CR2: variants seen among roughly 807,000 people sequenced by gnomAD.
CR2 encodes the protein complement C3d receptor 2.
Under a neutral mutation model 123.0 loss-of-function variants are expected in CR2, and 96 were observed. That is an observed-to-expected ratio of 0.78 (90% CI 0.66 to 0.93). The LOEUF is 0.93. Among genes scored for constraint, CR2 ranks in the 40% least tolerant of loss-of-function variants. CR2 has a pLI of 0.00. For synonymous variants in CR2, 484 were observed against 469.5 expected (o/e 1.03, Z -0.40); for missense variants, 1,258 against 1,361.0 (o/e 0.92, Z 1.19).
rs192416166 is a variant in CR2 at position 207,472,334 on chromosome 1, T to C, written c.1571-438T>C. Among the ~76,000 whole-genome samples, 5 of 152,324 alleles carry C rather than the reference T, an allele frequency of 3.3e-5. No individual in the cohort carries two copies. The East Asian group carries it at 9.6e-4, about 29-fold the overall frequency. ...CAAATTAAATTGTACTATTGCTACT[T>C]TCTGGATGAGGAAACTGCCTATCAC... On this transcript the variant is annotated intron_variant, in intron 9 of 19. Transcript: ENST00000367057.
At chr1:207,477,241 G>A (rs1160356077) in intron 15 of CR2, among the ~76,000 whole-genome samples, 1 of 152,174 alleles carries the variant, frequency 6.6e-6, no homozygotes, top group Non-Finnish European at 1.5e-5. Context: ...AGGAGCAAAG[G>A]CACATCTTAC....
rs557606471 is a variant in CR2 at position 207,461,047 on chromosome 1, A to T, written c.59-5479A>T. ...CTTTAGTTTCTTATGCTATCCTGGG[A>T]AAGTTTGTATTTAAAGATTTTTACC... On this transcript the variant is annotated intron_variant, in intron 1 of 19. Transcript: ENST00000367057. Among the ~76,000 whole-genome samples the T allele has an allele frequency of 3.3e-5, 5 of 152,252 alleles. No homozygotes were observed. The South Asian group carries it at 8.3e-4, about 25-fold the overall frequency.
At position 207,489,235 on chromosome 1, in the gene CR2, AATG is replaced by A. The variant is rs1273280203; in HGVS notation, c.*116_*118del. The A allele has an allele frequency of 6.6e-6, 1 of 152,216 alleles. No individual in the cohort carries two copies. The highest frequency in any genetic ancestry group is 1.5e-5 in the Non-Finnish European group (1 of 68,038). 9.4% of individuals were successfully genotyped at this position (152,216 alleles called of 1,614,324 possible). On this transcript the variant is annotated 3_prime_UTR_variant, in exon 20 of 20. Transcript: ENST00000367057. The stretch of plus-strand genomic sequence containing the variant: ...CTTTATATGGCCTCAAGATCAATGA[AATG>A]ATGTCATAAGCGATCACTTCCTATA...
rs1363086189 is a variant in CR2, at chr1:207,489,586, A to G, written c.*463A>G. On this transcript the variant is annotated 3_prime_UTR_variant, in exon 20 of 20. Coordinates refer to ENST00000367057, the MANE Select transcript of CR2 (RefSeq NM_001006658.3). ...GATGGCTTTACCTTTATTAGGAAGT[A>G]TGGTTTTATTTTGATAGTAGCTTCC... The G allele has an allele frequency of 2.0e-5, 3 of 152,214 alleles. No individual in the cohort carries two copies. Among genetic ancestry groups the G allele is most frequent in the Non-Finnish European group, 2.9e-5 (2 of 68,036 alleles). 9.4% of individuals were successfully genotyped at this position (152,214 alleles called of 1,614,324 possible). A position where few individuals can be genotyped will look rare whatever the true frequency, so the allele number is the denominator to read the frequency against.
At chr1:207,462,317 A>G (rs1274326749) in intron 1 of CR2, among the ~76,000 whole-genome samples, 1 of 152,218 alleles carries the variant, frequency 6.6e-6, no homozygotes, top group East Asian at 1.9e-4. Flanking sequence ...AATGCTACCT[A>G]GAAGAATTAG....
intron 1 of CR2, among the ~76,000 whole-genome samples, chr1:207,458,212 C>G (rs1315024293): frequency 6.6e-6 from 1 of 151,590 alleles, no homozygotes; most frequent in Non-Finnish European, 1.5e-5. Flanking sequence ...ACATGTAAAA[C>G]AACAAAAAAT....
At chr1:207,485,153 C>G (rs990738244) in intron 18 of CR2, among the ~76,000 whole-genome samples, 2 of 152,116 alleles carry the variant, frequency 1.3e-5, no homozygotes, top group African/African-American at 4.8e-5. Context: ...CATGTGGGCA[C>G]AGGGAGGGAA....
At chr1:207,475,370 A>G (rs1658408661) in intron 14 of CR2, among the ~76,000 whole-genome samples, 154 bp downstream of exon 14, 1 of 152,064 alleles carries the variant, frequency 6.6e-6, no homozygotes, top group African/African-American at 2.4e-5. Flanking sequence ...CTATCTTCTC[A>G]CTTGATTGTT....
chr1:207,457,645 C>T (rs1216875903), intron 1 of CR2, among the ~76,000 whole-genome samples: 2 of 152,154 alleles, frequency 1.3e-5, no homozygotes, highest in African/African-American at 2.4e-5. Flanking sequence ...ATCCAATGGT[C>T]ATTTTTCTAT....
At position 207,473,676 on chromosome 1, in the gene CR2, T is replaced by C. The variant is rs777109970; in HGVS notation, c.2110T>C (p.Cys704Arg). 1.9e-6 allele frequency: 3 copies of C among 1,613,936 alleles called. No individual in the cohort carries two copies. The highest frequency in any genetic ancestry group is 1.7e-6 in the Non-Finnish European group (2 of 1,179,912). The stretch of plus-strand genomic sequence containing the variant: ...GCTTGTGGGAAACAAATCCATTCAC[T>C]GTATGCCTTCAGGAAATTGGAGTCC... ...YLLVGNKSIH[C>R]MPSGNWSPSA... Residue 704 changes from cysteine (C) to arginine (R), a missense_variant, in exon 11 of 20, where the codon TGT becomes CGT. Transcript: ENST00000367057.
At chr1:207,479,640 C>T (rs941245269) in intron 17 of CR2, among the ~76,000 whole-genome samples, 3 of 152,144 alleles carry the variant, frequency 2.0e-5, no homozygotes, top group East Asian at 3.8e-4. Flanking sequence ...AACCTGGTGT[C>T]CTGTGCACCT....
At position 207,486,430 on chromosome 1, in the gene CR2, G is replaced by A. The variant is rs116624244; in HGVS notation, c.*18+858G>A. On this transcript the variant is annotated intron_variant, in intron 19 of 19. Coordinates refer to ENST00000367057, the MANE Select transcript of CR2 (RefSeq NM_001006658.3). ...GTGGGATGTGGGCGAGAGGATGATCGTACAAAGTCTGCTATGTCATTGTAA... is the reference window on the plus strand; with the variant it reads ...GTGGGATGTGGGCGAGAGGATGATCATACAAAGTCTGCTATGTCATTGTAA... Among the ~76,000 whole-genome samples the A allele has an allele frequency of 7.0e-3, 1,066 of 152,168 alleles. 7 individuals carry two copies. The highest frequency in any genetic ancestry group is 0.027 in the Middle Eastern group (8 of 294).
chr1:207,488,154 C>T (rs575311310), intron 19 of CR2, among the ~76,000 whole-genome samples: 10 of 152,274 alleles, frequency 6.6e-5, no homozygotes, highest in African/African-American at 2.4e-4. Context: ...TCTTTCATGC[C>T]TTCTCTTACT....
At chr1:207,475,864 G>A (rs900923993) in intron 14 of CR2, among the ~76,000 whole-genome samples, 1 of 152,192 alleles carries the variant, frequency 6.6e-6, no homozygotes, top group Non-Finnish European at 1.5e-5. Context: ...AAGGACAGGG[G>A]CTCTCTGACT....
intron 18 of CR2, 80 bp downstream of exon 18, chr1:207,480,133 A>G: frequency 1.0e-6 from 1 of 1,001,784 alleles, no homozygotes; most frequent in Non-Finnish European, 1.6e-6. Context: ...ACACAGAAGC[A>G]CAAGTTATGT....
At chr1:207,473,272 AG>A (rs1658340500) in intron 10 of CR2, 93 bp downstream of exon 10, 1 of 1,423,402 alleles carries the variant, frequency 7.0e-7, no homozygotes, top group Non-Finnish European at 9.7e-7. Context: ...GAAAGAGGCA[AG>A]AGGGGCACAG....
At chr1:207,457,522 A>G (rs1317144059) in intron 1 of CR2, among the ~76,000 whole-genome samples, 1 of 152,126 alleles carries the variant, frequency 6.6e-6, no homozygotes, top group Non-Finnish European at 1.5e-5. Context: ...AAAACTTTTC[A>G]TTGACTACTT....
At chr1:207,472,737 G>T in intron 9 of CR2, 35 bp from the exon 10 acceptor site, 1 of 1,605,752 alleles carries the variant, frequency 6.2e-7, no homozygotes, top group South Asian at 1.1e-5. Context: ...TCTAATACAG[G>T]AACTCAATTC....
Position 207,454,527 on chromosome 1 carries a change from A to C in CR2, c.58+51A>C. Reference sequence around the variant, plus strand: ...GTGGGGACGCGTCCCGGGCAGGGAAAGTTTCTGTGCCGCGATGCAAAGCAG... The same window carrying C: ...GTGGGGACGCGTCCCGGGCAGGGAACGTTTCTGTGCCGCGATGCAAAGCAG... On this transcript the variant is annotated intron_variant, in intron 1 of 19. Coordinates refer to ENST00000367057, the MANE Select transcript of CR2 (RefSeq NM_001006658.3). The surrounding 1 kb of genome is among the most constrained non-coding windows in gnomAD (Gnocchi z 4.3). The C allele has an allele frequency of 7.3e-7, 1 of 1,378,492 alleles. No homozygotes were observed. The highest frequency in any genetic ancestry group is 9.8e-7 in the Non-Finnish European group (1 of 1,019,740). The allele number at this position is 1,378,492 out of a possible 1,614,324, so 85.4% of individuals were successfully genotyped here.
Sources: gnomAD v4.1 joint callset for allele counts (sites outside exome capture counted in the v4.1 genomes callset) on GRCh38, gnomAD v4.1.1 for gene constraint, Gnocchi (gnomAD v3.1) non-coding constraint, MANE v1.5 for transcripts, NCBI Gene and HGNC (gene_info 2026-07-23, HGNC 2026-07-21) for gene names.